Variants in SOX5 observed in about 807,000 individuals in gnomAD.
SOX5 encodes SRY-box transcription factor 5.
In SOX5, 9 loss-of-function variants were observed where a neutral mutation model predicts 92.0. The observed-to-expected ratio is 0.10, with a 90% CI of 0.06 to 0.17. The LOEUF is 0.17. Ranked by LOEUF, SOX5 falls within the 10% of genes least tolerant of loss-of-function variation. The pLI, the probability that SOX5 is intolerant of heterozygous loss-of-function variation, is 1.00. For synonymous variants in SOX5, 344 were observed against 336.3 expected (o/e 1.02, Z -0.25); for missense variants, 642 against 944.5 (o/e 0.68, Z 4.20).
chr12:23,780,353 T>G (rs964807061), intron 3 of SOX5, among the ~76,000 whole-genome samples: 6 of 151,876 alleles, frequency 4.0e-5, no homozygotes, highest in Non-Finnish European at 7.4e-5. Flanking sequence ...AACACTTTGT[T>G]AGGTATTTTA....
At chr12:24,306,751 A>C (rs1948616371) in intron 2 of SOX5, among the ~76,000 whole-genome samples, 1 of 152,134 alleles carries the variant, frequency 6.6e-6, no homozygotes, top group African/African-American at 2.4e-5. Context: ...AACCCCAAGT[A>C]AGAAGGTAGG....
At chr12:24,507,688 G>A (rs1948925957) in intron 1 of SOX5, among the ~76,000 whole-genome samples, 1 of 152,096 alleles carries the variant, frequency 6.6e-6, no homozygotes, top group African/African-American at 2.4e-5. Flanking sequence ...AAATAACATT[G>A]TTATGTACGA....
intron 4 of SOX5, among the ~76,000 whole-genome samples, chr12:24,203,698 T>A (rs1957751150): frequency 6.6e-6 from 1 of 152,182 alleles, no homozygotes; most frequent in African/African-American, 2.4e-5. Flanking sequence ...AAAAATTGAA[T>A]CACTCACCCA....
intron 4 of SOX5, among the ~76,000 whole-genome samples, chr12:24,077,626 C>G (rs1157220289): frequency 6.6e-6 from 1 of 151,674 alleles, no homozygotes; most frequent in Non-Finnish European, 1.5e-5. Flanking sequence ...ATGCTTCGCT[C>G]TGGAAAGAAA....
At chr12:24,557,182 G>A (rs542832886) in intron 1 of SOX5, among the ~76,000 whole-genome samples, 3 of 152,210 alleles carry the variant, frequency 2.0e-5, no homozygotes, top group Admixed American at 6.5e-5. Context: ...GAGGTCAGGA[G>A]ATCGAGACCA....
rs1392192689 is a variant in SOX5 at position 23,963,081 on chromosome 12, A to G, written c.-1-67057T>C. ...ACCACCACATATGTTAAAGATGACC[A>G]GCCATTTCTGGTTTAAAGAAAGCAA... is the stretch of plus-strand genomic sequence containing the variant. On this transcript the variant is annotated intron_variant, in intron 4 of 4. Transcript: ENST00000446891. Among the ~76,000 whole-genome samples, 5 of 152,220 alleles carry G rather than the reference A, an allele frequency of 3.3e-5. No individual in the cohort carries two copies. In the South Asian group the frequency reaches 8.3e-4, roughly 25 times the overall value.
chr12:23,910,831 CA>C (rs1383906553), intron 1 of SOX5, among the ~76,000 whole-genome samples: 1 of 152,006 alleles, frequency 6.6e-6, no homozygotes, highest in South Asian at 2.1e-4. Context: ...TTTTTCTATT[CA>C]ACATAAAATG....
intron 4 of SOX5, among the ~76,000 whole-genome samples, chr12:24,015,097 T>G (rs760241681): frequency 3.3e-5 from 5 of 151,552 alleles, no homozygotes; most frequent in Non-Finnish European, 7.4e-5. Flanking sequence ...TCTTTCTGTC[T>G]CTCTCTCTCT....
chr12:23,703,782 C>A (rs906787801), intron 6 of SOX5, among the ~76,000 whole-genome samples: 42 of 150,768 alleles, frequency 2.8e-4, no homozygotes, highest in Non-Finnish European at 4.3e-4. Context: ...AGAAATACAT[C>A]AAAAAAGTTT....
At chr12:24,532,270 G>T (rs1365618446) in intron 1 of SOX5, among the ~76,000 whole-genome samples, 1 of 152,078 alleles carries the variant, frequency 6.6e-6, no homozygotes, top group Non-Finnish European at 1.5e-5. Context: ...TCTCTGTCCT[G>T]CCTTAAGGTC....
chr12:24,287,991 G>A (rs1052932953), intron 2 of SOX5, among the ~76,000 whole-genome samples: 5 of 152,132 alleles, frequency 3.3e-5, no homozygotes, highest in Admixed American at 2.0e-4. Context: ...CTATGGAAGC[G>A]TTAATTTCTT....
chr12:23,951,662 A>T (rs1169561004), upstream of SOX5, among the ~76,000 whole-genome samples: 1 of 152,060 alleles, frequency 6.6e-6, no homozygotes. Flanking sequence ...ATACACACAC[A>T]CACACTACAA....
chr12:23,915,548 C>T (rs74465800), intron 1 of SOX5, among the ~76,000 whole-genome samples: 25 of 152,074 alleles, frequency 1.6e-4, no homozygotes, highest in African/African-American at 4.3e-4. Flanking sequence ...CTTCAAATAA[C>T]GTTAGTTTCA....
chr12:24,126,374 C>T (rs530189161), intron 4 of SOX5, among the ~76,000 whole-genome samples: 24 of 152,302 alleles, frequency 1.6e-4, no homozygotes, highest in Middle Eastern at 3.4e-3. Context: ...GTGGGTGCCA[C>T]TCTCGGCATT....
intron 4 of SOX5, among the ~76,000 whole-genome samples, chr12:23,746,022 T>C (rs1033728541): frequency 6.6e-6 from 1 of 152,134 alleles, no homozygotes; most frequent in African/African-American, 2.4e-5. Context: ...TAAGCATGCA[T>C]AGGAATTCTA....
chr12:24,180,282 C>A, intron 4 of SOX5, among the ~76,000 whole-genome samples: 1 of 152,150 alleles, frequency 6.6e-6, no homozygotes, highest in Non-Finnish European at 1.5e-5. Context: ...CTTCTCCCTC[C>A]ATGTTCATGA....
At chr12:24,439,800 CAGG>C (rs1776673130) in intron 1 of SOX5, among the ~76,000 whole-genome samples, 1 of 152,022 alleles carries the variant, frequency 6.6e-6, no homozygotes, top group Non-Finnish European at 1.5e-5. Context: ...GAGGCTGAGG[CAGG>C]AGAATGGTGT....
chr12:23,665,231 A>G (rs1164694246), intron 7 of SOX5, among the ~76,000 whole-genome samples: 1 of 151,888 alleles, frequency 6.6e-6, no homozygotes, highest in Non-Finnish European at 1.5e-5. Flanking sequence ...AAGTCATGAA[A>G]TTGAATTATA....
intron 4 of SOX5, among the ~76,000 whole-genome samples, chr12:24,131,415 TG>T (rs1292423278): frequency 1.3e-5 from 2 of 152,182 alleles, no homozygotes; most frequent in East Asian, 3.8e-4. Flanking sequence ...AGATATTGAA[TG>T]CATTTTTCAA....
Sources: gnomAD v4.1 joint callset for allele counts (sites outside exome capture counted in the v4.1 genomes callset) on GRCh38, gnomAD v4.1.1 for gene constraint, MANE v1.5 for transcripts, NCBI Gene and HGNC (gene_info 2026-07-23, HGNC 2026-07-21) for gene names.